Variants in PTPRK observed in about 807,000 individuals in gnomAD.
The protein encoded by PTPRK is receptor-type tyrosine-protein phosphatase kappa.
PTPRK carries 75 observed loss-of-function variants against 178.0 expected under a neutral mutation model. The ratio of observed to expected loss-of-function variants is 0.42; its 90% CI spans 0.35 to 0.51. The LOEUF (loss-of-function observed/expected upper bound fraction) is 0.51, where lower values mean the gene tolerates loss of function less well. PTPRK is among the 20% of genes least tolerant of loss of function. The pLI, the probability that PTPRK is intolerant of heterozygous loss-of-function variation, is 0.02. For missense variants in PTPRK, 1,441 were observed against 1,797.8 expected, an observed-to-expected ratio of 0.80 and a Z score of 3.59; for synonymous variants, 637 against 620.6, an observed-to-expected ratio of 1.03 and a Z score of -0.39.
intron 2 of PTPRK, among the ~76,000 whole-genome samples, chr6:128,373,481 T>C (rs1035294569): frequency 6.6e-6 from 1 of 152,180 alleles, no homozygotes; most frequent in African/African-American, 2.4e-5. Flanking sequence ...AAACCAAATA[T>C]ACAGAAGTTT....
intron 7 of PTPRK, among the ~76,000 whole-genome samples, chr6:128,119,865 G>T (rs1008175804): frequency 6.6e-6 from 1 of 151,994 alleles, no homozygotes; most frequent in Non-Finnish European, 1.5e-5. Flanking sequence ...TTCAGCAATA[G>T]CTATATACCA....
intron 5 of PTPRK, among the ~76,000 whole-genome samples, chr6:128,236,476 G>T (rs1376543583): frequency 6.6e-6 from 1 of 151,226 alleles, no homozygotes; most frequent in Non-Finnish European, 1.5e-5. Flanking sequence ...AGCCTGCCGA[G>T]TAGCTGGGAC....
chr6:128,203,587 A>G (rs546558590), intron 6 of PTPRK, among the ~76,000 whole-genome samples: 3 of 152,360 alleles, frequency 2.0e-5, no homozygotes, highest in African/African-American at 7.2e-5. Context: ...AAGTCTCAGG[A>G]TAATCAATGT....
At chr6:128,242,354 A>G (rs933061802) in intron 4 of PTPRK, among the ~76,000 whole-genome samples, 167 bp downstream of exon 4, 5 of 152,230 alleles carry the variant, frequency 3.3e-5, no homozygotes, top group African/African-American at 1.2e-4. Flanking sequence ...ATTTGATTCA[A>G]AAACTCTAGA....
At position 128,278,349 on chromosome 6, in the gene PTPRK, T is replaced by G. The variant is rs528331542; in HGVS notation, c.496-35747A>C. On this transcript the variant is annotated intron_variant, in intron 3 of 29. Coordinates refer to ENST00000368226, the MANE Select transcript of PTPRK (RefSeq NM_002844.4). ...TTTTTTGTATTTTTAGTAGAGACAGTGTTTCACTCTGTTTGCCAGACTGGT... is the reference window on the plus strand; with the variant it reads ...TTTTTTGTATTTTTAGTAGAGACAGGGTTTCACTCTGTTTGCCAGACTGGT... Among the ~76,000 whole-genome samples, 350 of 151,936 alleles carry G rather than the reference T, an allele frequency of 2.3e-3. 2 individuals carry two copies. In the Middle Eastern group the frequency reaches 0.024, roughly 10 times the overall value.
intron 2 of PTPRK, among the ~76,000 whole-genome samples, chr6:128,326,307 T>G (rs1001067906): frequency 6.6e-6 from 1 of 152,066 alleles, no homozygotes; most frequent in East Asian, 1.9e-4. Flanking sequence ...TTAAAGTATA[T>G]TTTAAAAAAA....
intron 6 of PTPRK, among the ~76,000 whole-genome samples, chr6:128,189,033 G>A (rs369021901): frequency 2.6e-5 from 4 of 151,924 alleles, no homozygotes; most frequent in African/African-American, 9.7e-5. Context: ...ATCTATTTGG[G>A]GGGCATTTTT....
chr6:128,414,590 T>TG (rs1842644117), intron 1 of PTPRK, among the ~76,000 whole-genome samples: 1 of 152,242 alleles, frequency 6.6e-6, no homozygotes. Flanking sequence ...ACTACTTATT[T>TG]GTAAAACCTT....
chr6:128,181,362 T>C (rs1429722121), intron 7 of PTPRK, among the ~76,000 whole-genome samples: 10 of 152,070 alleles, frequency 6.6e-5, no homozygotes, highest in Admixed American at 6.6e-4. Flanking sequence ...AGCCACATAG[T>C]CTAACATGCA....
intron 1 of PTPRK, among the ~76,000 whole-genome samples, chr6:128,410,185 T>G (rs1842143529): frequency 6.6e-6 from 1 of 152,170 alleles, no homozygotes; most frequent in African/African-American, 2.4e-5. Context: ...TCCAAGTAAT[T>G]GTATTTGTCT....
chr6:128,068,328 A>G (rs183421326), intron 11 of PTPRK, among the ~76,000 whole-genome samples: 8 of 152,310 alleles, frequency 5.3e-5, no homozygotes, highest in Admixed American at 5.2e-4. Flanking sequence ...ACTGGCTCAG[A>G]GCTATGTAGA....
chr6:128,052,480 G>T (rs1158530204), intron 13 of PTPRK, among the ~76,000 whole-genome samples: 1 of 152,104 alleles, frequency 6.6e-6, no homozygotes, highest in Non-Finnish European at 1.5e-5. Context: ...TTACGTTTTT[G>T]AAAATTATAG....
At chr6:128,480,482 G>A (rs117498180) in intron 1 of PTPRK, among the ~76,000 whole-genome samples, 1 of 151,808 alleles carries the variant, frequency 6.6e-6, no homozygotes, top group South Asian at 2.1e-4. Context: ...CCATATCTCC[G>A]TGCTCTATCC....
chr6:128,200,846 A>AG (rs1229562248), intron 6 of PTPRK, among the ~76,000 whole-genome samples: 2 of 114,754 alleles, frequency 1.7e-5, no homozygotes, highest in Admixed American at 9.5e-5. Context: ...GATGAGGAGG[A>AG]GGGGGGGAGG....
At chr6:128,197,686 C>T (rs1805143247) in intron 6 of PTPRK, among the ~76,000 whole-genome samples, 1 of 151,958 alleles carries the variant, frequency 6.6e-6, no homozygotes, top group Non-Finnish European at 1.5e-5. Flanking sequence ...TCAAATTACA[C>T]TCAGAATGGC....
In PTPRK at chr6:128,262,110, A is replaced by C. The variant is rs75478667; in HGVS notation, c.496-19508T>G. ...CTGTATGGCTTGGTATTACAGTCAA[A>C]TATTACTTTCCAGGTTTGGATTCAT... On this transcript the variant is annotated intron_variant, in intron 3 of 29. Transcript: ENST00000368226. 3.9e-3 allele frequency among the ~76,000 whole-genome samples: 600 copies of C among 152,252 alleles called. 3 individuals carry two copies. Among genetic ancestry groups the C allele is most frequent in the African/African-American group, 0.014 (573 of 41,548 alleles).
At chr6:128,075,540 T>C (rs1434019188) in intron 11 of PTPRK, among the ~76,000 whole-genome samples, 7 of 152,046 alleles carry the variant, frequency 4.6e-5, no homozygotes. Context: ...TTTCTAGCTG[T>C]TATTATTGCA....
At chr6:128,061,190 T>C (rs1051958987) in intron 13 of PTPRK, among the ~76,000 whole-genome samples, 6 of 152,124 alleles carry the variant, frequency 3.9e-5, no homozygotes, top group Admixed American at 1.3e-4. Flanking sequence ...GGCTTCTCCA[T>C]ACAAAATACA....
chr6:128,123,294 C>A (rs1041183448), intron 7 of PTPRK, among the ~76,000 whole-genome samples: 1 of 152,102 alleles, frequency 6.6e-6, no homozygotes, highest in South Asian at 2.1e-4. Flanking sequence ...GATTTTTGAG[C>A]TTCTGGTCTC....
Sources: allele counts gnomAD v4.1 joint callset (sites outside exome capture counted in the v4.1 genomes callset), GRCh38; gene constraint gnomAD v4.1.1; transcripts MANE v1.5; gene names NCBI Gene and HGNC (gene_info 2026-07-23, HGNC 2026-07-21).